The following SLC36A1 variants were observed in gnomAD, a reference collection of about 807,000 sequenced individuals.
SLC36A1 encodes the protein proton-coupled amino acid transporter 1.
A neutral mutation model predicts 47.5 loss-of-function variants in SLC36A1; 30 were observed. The ratio of observed to expected loss-of-function variants is 0.63; its 90% CI spans 0.47 to 0.86. SLC36A1 has a LOEUF of 0.86. Among genes scored for constraint, SLC36A1 ranks in the 40% least tolerant of loss-of-function variants. The pLI is 0.00. For synonymous variants in SLC36A1, 255 were observed against 249.7 expected (o/e 1.02, Z -0.20); for missense variants, 517 against 606.0 (o/e 0.85, Z 1.54).
In SLC36A1 at chr5:151,467,848, G is replaced by C; in HGVS notation, c.646G>C (p.Ala216Pro). Reference protein sequence around the residue: ...VLLVFIRNLRALSIFSLLANI... With the variant: ...VLLVFIRNLRPLSIFSLLANI... The stretch of plus-strand genomic sequence containing the variant: ...GCTGGTTTTCATCAGGAACCTCCGA[G>C]CCCTGTCCATCTTCTCCCTGTTGGC... The change falls in exon 7 of 11, where the codon GCC (alanine) becomes CCC (proline). Residue 216 changes from alanine (A) to proline (P), a missense_variant. Ala to Pro is a conservative substitution (Grantham distance 27). Coordinates refer to ENST00000243389, the MANE Select transcript of SLC36A1 (RefSeq NM_078483.4). 1 of 1,613,926 alleles carries C rather than the reference G, an allele frequency of 6.2e-7. No homozygotes were observed. The highest frequency in any genetic ancestry group is 8.5e-7 in the Non-Finnish European group (1 of 1,179,972).
chr5:151,551,354 T>TG, the SLC36A1 span: 3 of 1,121,644 alleles, frequency 2.7e-6, no homozygotes, highest in East Asian at 7.1e-5. Context: ...TGATTCTAAA[T>TG]TCAGTGTTCC....
chr5:151,551,698 C>T, the SLC36A1 span: 16 of 1,388,728 alleles, frequency 1.2e-5, no homozygotes, highest in Admixed American at 3.6e-5. Context: ...TCAGAGGACA[C>T]GGTGGTAAAT....
the SLC36A1 span, chr5:151,527,502 G>T: frequency 1.2e-6 from 1 of 864,482 alleles, no homozygotes; most frequent in Non-Finnish European, 1.7e-6. Context: ...CACCCCCACT[G>T]CCCACCCGTA....
upstream of SLC36A1, among the ~76,000 whole-genome samples, chr5:151,434,703 A>G (rs1482052657): frequency 6.6e-6 from 1 of 152,174 alleles, no homozygotes; most frequent in African/African-American, 2.4e-5. Flanking sequence ...CATGAGGTAG[A>G]GCCCAGAATT....
chr5:151,362,809 A>G, the SLC36A1 span, among the ~76,000 whole-genome samples: 1 of 152,196 alleles, frequency 6.6e-6, no homozygotes, highest in Admixed American at 6.5e-5. Flanking sequence ...TCTTTGTTAA[A>G]TTTCTCTAAT....
chr5:151,421,067 G>A, the SLC36A1 span, among the ~76,000 whole-genome samples: 1 of 151,370 alleles, frequency 6.6e-6, no homozygotes, highest in Non-Finnish European at 1.5e-5. Context: ...TAGAGACGGG[G>A]TTTCACCGTG....
At chr5:151,364,608 G>A in the SLC36A1 span, among the ~76,000 whole-genome samples, 2 of 152,126 alleles carry the variant, frequency 1.3e-5, no homozygotes, top group Admixed American at 6.5e-5. Context: ...TTCAGATTAG[G>A]CAACTAATCC....
the SLC36A1 span, among the ~76,000 whole-genome samples, chr5:151,551,054 G>A: frequency 1.3e-5 from 2 of 152,186 alleles, no homozygotes; most frequent in African/African-American, 4.8e-5. Flanking sequence ...ATGCTGCACA[G>A]TCTAGTGTTT....
At chr5:151,483,675 G>A (rs1024583071) in intron 10 of SLC36A1, among the ~76,000 whole-genome samples, 2 of 152,242 alleles carry the variant, frequency 1.3e-5, no homozygotes, top group East Asian at 1.9e-4. Flanking sequence ...CTGCATAGTC[G>A]ATTGCTGCTT....
At chr5:151,442,048 T>G (rs903824923) in intron 1 of SLC36A1, among the ~76,000 whole-genome samples, 1 of 151,730 alleles carries the variant, frequency 6.6e-6, no homozygotes, top group Admixed American at 6.6e-5. Context: ...GTCTTTTGCT[T>G]AGCATAATTA....
At chr5:151,447,172 A>C (rs988765996), upstream of SLC36A1, among the ~76,000 whole-genome samples, 2 of 152,260 alleles carry the variant, frequency 1.3e-5, no homozygotes, top group Non-Finnish European at 2.9e-5. Flanking sequence ...ATTTGAATGT[A>C]TTAAAAGATA....
rs372941077 is a variant in SLC36A1, at chr5:151,476,640, C to T, written c.873C>T (p.Ile291=). 9.3e-6 allele frequency: 15 copies of T among 1,611,506 alleles called. No individual in the cohort carries two copies. In the African/African-American group the frequency reaches 2.0e-4, roughly 22 times the overall value. Residue 291 remains isoleucine (I), a synonymous_variant, in exon 9 of 11, where the codon ATC becomes ATT. Transcript: ENST00000243389. ...AGGATCCTCGGAAGTTCCCACTCAT[C>T]CTGTACCTGGGCATGGTCATCGTCA... ...KMKDPRKFPL[I]LYLGMVIVTI... is the part of the protein sequence containing the mutation.
the SLC36A1 span, among the ~76,000 whole-genome samples, chr5:151,516,495 G>A: frequency 3.3e-5 from 5 of 152,074 alleles, no homozygotes; most frequent in African/African-American, 9.7e-5. Flanking sequence ...CAGCCTGGGC[G>A]ACAGAGTGAG....
chr5:151,445,558 T>C (rs1270881667), upstream of SLC36A1, among the ~76,000 whole-genome samples: 1 of 152,218 alleles, frequency 6.6e-6, no homozygotes, highest in Non-Finnish European at 1.5e-5. Context: ...CAAACCTTCT[T>C]CTTTGAATGT....
At chr5:151,521,229 C>T in the SLC36A1 span, 3 of 1,539,120 alleles carry the variant, frequency 1.9e-6, no homozygotes, top group Non-Finnish European at 2.6e-6. Context: ...GTCAGGCGGG[C>T]TGAGCCCAGC....
chr5:151,440,077 A>G (rs1752534694), intron 1 of SLC36A1, among the ~76,000 whole-genome samples: 2 of 152,196 alleles, frequency 1.3e-5, no homozygotes, highest in African/African-American at 2.4e-5. Flanking sequence ...CAGGAGTTTC[A>G]TGAGTGTGAA....
the SLC36A1 span, among the ~76,000 whole-genome samples, chr5:151,397,502 G>A: frequency 6.6e-6 from 1 of 152,160 alleles, no homozygotes; most frequent in Non-Finnish European, 1.5e-5. Context: ...AGAATGTCAA[G>A]TGGGTAGGGC....
At chr5:151,435,950 A>C (rs1285403394), upstream of SLC36A1, among the ~76,000 whole-genome samples, 3 of 152,128 alleles carry the variant, frequency 2.0e-5, no homozygotes, top group African/African-American at 4.8e-5. Flanking sequence ...GGAAAGATTT[A>C]GCAGGCAAAT....
At chr5:151,419,399 C>G in the SLC36A1 span, among the ~76,000 whole-genome samples, 2 of 152,210 alleles carry the variant, frequency 1.3e-5, no homozygotes, top group Non-Finnish European at 2.9e-5. Context: ...AGGAATCCAT[C>G]TGGACCCATG....
Sources: allele counts gnomAD v4.1 joint callset (sites outside exome capture counted in the v4.1 genomes callset), GRCh38; gene constraint gnomAD v4.1.1; transcripts MANE v1.5; gene names NCBI Gene and HGNC (gene_info 2026-07-23, HGNC 2026-07-21).